The following MORC4 variants were observed in gnomAD, a reference collection of about 807,000 sequenced individuals.
MORC4 encodes MORC family CW-type zinc finger protein 4.
A neutral mutation model predicts 65.5 loss-of-function variants in MORC4; 22 were observed. That is an observed-to-expected ratio of 0.34 (90% CI 0.24 to 0.48). The LOEUF (loss-of-function observed/expected upper bound fraction) is 0.48. Ranked by LOEUF, MORC4 falls within the 20% of genes least tolerant of loss-of-function variation. The pLI is 0.99. For synonymous variants in MORC4, 267 were observed against 255.8 expected, an observed-to-expected ratio of 1.04 and a Z score of -0.42; for missense variants, 624 against 703.0, an observed-to-expected ratio of 0.89 and a Z score of 1.27.
At chrX:106,972,926 C>T (rs1934553653) in intron 9 of MORC4, among the ~76,000 whole-genome samples, 1 of 112,504 alleles carries the variant, frequency 8.9e-6, no homozygotes, top group South Asian at 3.7e-4. Context: ...AACTCCATCT[C>T]AAAAACAAAC....
Position 106,941,620 on chromosome X carries a change from C to T in MORC4, c.2673G>A (p.Lys891=), listed in dbSNP as rs1489940262. 7 of 1,210,271 alleles carry T rather than the reference C, an allele frequency of 5.8e-6. No individual in the cohort carries two copies. Among genetic ancestry groups the T allele is most frequent in the Non-Finnish European group, 7.8e-6 (7 of 894,759 alleles). ...EGDDLERALA[K]LTRLRIHVSY... is the part of the protein sequence containing the mutation. ...TGACGTGGATACGTAGCCGCGTAAG[C>T]TTTGCCAAAGCCCTGTATGAAGGAG... The change falls in exon 17 of 17, where the codon AAG becomes AAA. Residue 891 remains lysine (K), a synonymous_variant. Coordinates refer to ENST00000355610, the MANE Select transcript of MORC4 (RefSeq NM_024657.5).
At chrX:106,949,664 C>T (rs1465691135) in intron 14 of MORC4, among the ~76,000 whole-genome samples, 1 of 112,488 alleles carries the variant, frequency 8.9e-6, no homozygotes, top group African/African-American at 3.2e-5. Context: ...TTTAATCTTT[C>T]ACCTGGCAAC....
chrX:106,981,128 G>A, intron 6 of MORC4, 109 bp from the exon 7 acceptor site: 1 of 1,005,215 alleles, frequency 9.9e-7, no homozygotes, highest in Non-Finnish European at 1.4e-6. Flanking sequence ...CAAAGATTTG[G>A]CTCAGTTTCT....
rs1007060349 is a variant in MORC4, at chrX:106,981,387, G to A, written c.765C>T (p.Gly255=). 4 of 1,204,126 alleles carry A rather than the reference G, an allele frequency of 3.3e-6. No individual in the cohort carries two copies. The highest frequency in any genetic ancestry group is 1.8e-5 in the African/African-American group (1 of 56,935). ...SDFDTEEKMT[G]GVTSELPETE... is the part of the protein sequence containing the mutation. ...TTTCTGGTAGCTCAGAGGTAACACC[G>A]CCAGTCATTTTTTCTTCTGTGTCAA... Residue 255 remains glycine, a synonymous_variant, in exon 6 of 17, where the codon GGC becomes GGT. Coordinates refer to ENST00000355610, the MANE Select transcript of MORC4 (RefSeq NM_024657.5).
At chrX:106,995,748 G>A (rs903169475) in intron 2 of MORC4, among the ~76,000 whole-genome samples, 1 of 112,409 alleles carries the variant, frequency 8.9e-6, no homozygotes, top group African/African-American at 3.2e-5. Flanking sequence ...TTACAAGTCT[G>A]TCCTACAATG....
At chrX:106,952,003 A>C (rs1283142622) in intron 14 of MORC4, among the ~76,000 whole-genome samples, 3 of 38,711 alleles carry the variant, frequency 7.7e-5, no homozygotes, top group East Asian at 8.3e-3. Flanking sequence ...CGCAAAAAAA[A>C]AAAAAAAAAA....
Position 106,986,005 on chromosome X carries a change from A to G in MORC4, c.504T>C (p.Ile168=), listed in dbSNP as rs761560670. ...CVQAQAVIVP[I]VPFNQQNKKM... is the part of the protein sequence containing the mutation. ...TATTGTTTTGCTGGTTGAATGGAAC[A>G]ATTGGTACAATAACTGCCTGGGCCT... The change falls in exon 4 of 17, where the codon ATT becomes ATC. Residue 168 remains isoleucine (I), a synonymous_variant. Coordinates refer to ENST00000355610, the MANE Select transcript of MORC4 (RefSeq NM_024657.5). 2.5e-6 allele frequency: 3 copies of G among 1,208,639 alleles called. No individual in the cohort carries two copies. Among genetic ancestry groups the G allele is most frequent in the Non-Finnish European group, 3.4e-6 (3 of 893,517 alleles).
chrX:106,976,764 T>A (rs927228871), intron 8 of MORC4, 80 bp from the exon 9 acceptor site: 2 of 674,989 alleles, frequency 3.0e-6, no homozygotes, highest in Admixed American at 2.4e-5. Context: ...CAAACAATAA[T>A]AGAAAGGTTA....
intron 9 of MORC4, among the ~76,000 whole-genome samples, chrX:106,973,935 C>T (rs868418517): frequency 2.7e-5 from 3 of 111,904 alleles, no homozygotes; most frequent in African/African-American, 9.8e-5. Flanking sequence ...CAGCACGCTA[C>T]GACAGTAAAT....
chrX:106,947,703 T>C (rs1303985243), intron 14 of MORC4, among the ~76,000 whole-genome samples: 2 of 104,298 alleles, frequency 1.9e-5, no homozygotes, highest in East Asian at 6.1e-4. Flanking sequence ...TCAGACAAGA[T>C]AGACTTTTAA....
rs760146191 is a variant in MORC4 at position 106,954,338 on chromosome X, GCTT to G, written c.1685+572_1685+574del. Among the ~76,000 whole-genome samples the G allele has an allele frequency of 1.8e-3, 206 of 112,333 alleles. 1 individual carries two copies. Among genetic ancestry groups the G allele is most frequent in the African/African-American group, 6.3e-3 (195 of 30,941 alleles). ...GATATCTAAGAAAAAGAACAGTTAT[GCTT>G]CTTCTTGTTATGAAGACACAAAATA... On this transcript the variant is annotated intron_variant, in intron 14 of 16. Transcript: ENST00000355610.
chrX:106,990,733 G>A (rs1049823926), intron 3 of MORC4, among the ~76,000 whole-genome samples: 3 of 111,660 alleles, frequency 2.7e-5, no homozygotes, highest in South Asian at 3.8e-4. Flanking sequence ...TTAGCTGGGC[G>A]TGATTGTACC....
intron 14 of MORC4, among the ~76,000 whole-genome samples, chrX:106,949,741 G>T (rs1933929704): frequency 1.8e-5 from 2 of 112,469 alleles, no homozygotes; most frequent in African/African-American, 6.5e-5. Flanking sequence ...CCCTTCAGCT[G>T]GTTAGATTTT....
chrX:106,961,285 A>G (rs765049443), intron 10 of MORC4, among the ~76,000 whole-genome samples: 2 of 112,427 alleles, frequency 1.8e-5, no homozygotes, highest in South Asian at 7.5e-4. Flanking sequence ...AAGCAGATCC[A>G]GATTTTCAAC....
chrX:106,994,478 C>T (rs970563782), intron 2 of MORC4, among the ~76,000 whole-genome samples: 4 of 112,301 alleles, frequency 3.6e-5, no homozygotes, highest in Middle Eastern at 9.1e-3. Context: ...TGTTCTATTA[C>T]TACTGATCAA....
chrX:106,964,654 GA>G (rs1934330588), intron 9 of MORC4, among the ~76,000 whole-genome samples: 1 of 111,476 alleles, frequency 9.0e-6, no homozygotes, highest in South Asian at 3.8e-4. Flanking sequence ...TACATTCAAG[GA>G]ATCCTTGAAG....
chrX:106,994,706 C>T lies in MORC4; in HGVS notation c.176-1344G>A, dbSNP rs775208397. Among the ~76,000 whole-genome samples the T allele has an allele frequency of 7.0e-3, 783 of 111,657 alleles. 4 individuals are homozygous for T. The highest frequency in any genetic ancestry group is 0.012 in the Non-Finnish European group (661 of 53,104). On this transcript the variant is annotated intron_variant, in intron 2 of 16. Coordinates refer to ENST00000355610, the MANE Select transcript of MORC4 (RefSeq NM_024657.5). ...ACTGTCACTGACTGTAAGCAGAAAA[C>T]GTCTTAACAGTAGTACAGCATCACC...
rs1481320559 is a variant in MORC4, at chrX:106,960,731, A to C, written c.1256+1281T>G. 3.7e-4 allele frequency among the ~76,000 whole-genome samples: 41 copies of C among 111,936 alleles called. No individual in the cohort carries two copies. The Admixed American group carries it at 3.9e-3, about 11-fold the overall frequency. On this transcript the variant is annotated intron_variant, in intron 10 of 16. Transcript: ENST00000355610. ...GAACATCTGTTTCATTGCATTAATC[A>C]CTGCTAATTTGAAAGGCAAAAAATG...
At chrX:106,989,882 AC>A (rs1234682930) in intron 3 of MORC4, among the ~76,000 whole-genome samples, 2 of 97,615 alleles carry the variant, frequency 2.0e-5, no homozygotes, top group African/African-American at 8.2e-5. Context: ...AAAAAAAAAA[AC>A]CCAGAAAACA....
Sources: gnomAD v4.1 joint callset for allele counts (sites outside exome capture counted in the v4.1 genomes callset) on GRCh38, gnomAD v4.1.1 for gene constraint, MANE v1.5 for transcripts, NCBI Gene and HGNC (gene_info 2026-07-23, HGNC 2026-07-21) for gene names.